IFT172: variants seen among roughly 807,000 people sequenced by gnomAD.
The protein encoded by IFT172 is intraflagellar transport 172.
Under a neutral mutation model 248.9 loss-of-function variants are expected in IFT172, and 164 were observed. That is an observed-to-expected ratio of 0.66 (90% CI 0.58 to 0.75). The LOEUF (loss-of-function observed/expected upper bound fraction) is 0.75. IFT172 is among the 30% of genes least tolerant of loss of function. The probability of loss-of-function intolerance (pLI) is 0.00; values close to 1 mark genes in which losing one functional copy is unlikely to be tolerated. For synonymous variants in IFT172, 729 were observed against 791.6 expected (o/e 0.92, Z 1.33); for missense variants, 1,950 against 2,192.4 (o/e 0.89, Z 2.21).
intron 20 of IFT172, among the ~76,000 whole-genome samples, chr2:27,462,183 C>G (rs546913336): frequency 1.3e-5 from 2 of 152,146 alleles, no homozygotes; most frequent in Non-Finnish European, 2.9e-5. Context: ...CAGGCGTGTG[C>G]CACCACTCCT....
intron 7 of IFT172, among the ~76,000 whole-genome samples, chr2:27,482,232 C>T (rs1314935004): frequency 2.0e-5 from 3 of 152,112 alleles, no homozygotes; most frequent in Non-Finnish European, 4.4e-5. Context: ...ATCCACCCGC[C>T]TTGACCTCCC....
Position 27,483,071 on chromosome 2 carries a change from C to T in IFT172, c.570+218G>A, listed in dbSNP as rs151128918. ...AGGCTGTAGTGCAGTGGTGCTATTT[C>T]AGCTCACTTGCAGGCTCAACCTCCT... On this transcript the variant is annotated intron_variant, in intron 7 of 47. Transcript: ENST00000260570. Among the ~76,000 whole-genome samples, 118 of 140,318 alleles carry T rather than the reference C, an allele frequency of 8.4e-4. 2 individuals are homozygous for T. In the East Asian group the frequency reaches 0.016, roughly 19 times the overall value. The allele number at this position is 140,318 out of a possible 152,430, so 92.1% of individuals were successfully genotyped here.
At chr2:27,470,330 A>AAG (rs1181701797) in intron 16 of IFT172, among the ~76,000 whole-genome samples, 19 of 151,862 alleles carry the variant, frequency 1.3e-4, no homozygotes, top group African/African-American at 4.6e-4. Flanking sequence ...AAAGAAAAAG[A>AAG]AAGAAAGAAC....
At chr2:27,487,969 A>G (rs779462444) in intron 1 of IFT172, among the ~76,000 whole-genome samples, 2 of 150,366 alleles carry the variant, frequency 1.3e-5, no homozygotes, top group Non-Finnish European at 3.0e-5. Flanking sequence ...TACATATTAC[A>G]CACTCAGTTA....
At chr2:27,488,141 C>T (rs148801088) in intron 1 of IFT172, among the ~76,000 whole-genome samples, 2,669 of 151,850 alleles carry the variant, frequency 0.018, 243 homozygotes, top group Admixed American at 0.15. Flanking sequence ...TGCCACCACA[C>T]GAGGCTATTT....
rs780116 is a variant in IFT172 at position 27,475,667 on chromosome 2, T to C, written c.1411+974A>G. On this transcript the variant is annotated intron_variant, in intron 14 of 47. Coordinates refer to ENST00000260570, the MANE Select transcript of IFT172 (RefSeq NM_015662.3). ...GATAAGTGTATTTCATATAAAGTAC[T>C]ATTTTTATCCCTATTTTGTAGATGA... 773 of 152,308 alleles carry C rather than the reference T, an allele frequency of 5.1e-3. 4 individuals carry two copies. Among genetic ancestry groups the C allele is most frequent in the African/African-American group, 0.018 (737 of 41,568 alleles). 9.4% of individuals were successfully genotyped at this position (152,308 alleles called of 1,614,324 possible). A position where few individuals can be genotyped will look rare whatever the true frequency, so the allele number is the denominator to read the frequency against.
chr2:27,471,657 C>G (rs1667580610), intron 15 of IFT172: 1 of 161,738 alleles, frequency 6.2e-6, no homozygotes, highest in African/African-American at 2.4e-5. Flanking sequence ...TTCCTGAGGG[C>G]ACAGACTGTG....
intron 16 of IFT172, among the ~76,000 whole-genome samples, chr2:27,467,631 A>G (rs1440240785): frequency 6.7e-6 from 1 of 150,054 alleles, no homozygotes; most frequent in Non-Finnish European, 1.5e-5. Flanking sequence ...AAAAAAAAAA[A>G]AAAAAGGAAA....
In IFT172 at chr2:27,454,308, ACGG is replaced by A; in HGVS notation, c.3530+43_3530+45del. ...CAAGATAATCATGAAAGATCCTGGG[ACGG>A]TGACTGGGGAAACAGTATTAAGGAA... On this transcript the variant is annotated intron_variant, in intron 32 of 47. Coordinates refer to ENST00000260570, the MANE Select transcript of IFT172 (RefSeq NM_015662.3). This position sits in a 1 kb window ranked among gnomAD's most constrained non-coding sequence, Gnocchi z 4.2. 6.2e-7 allele frequency: 1 copy of A among 1,611,904 alleles called. No homozygotes were observed. The highest frequency in any genetic ancestry group is 2.2e-5 in the East Asian group (1 of 44,882).
intron 40 of IFT172, among the ~76,000 whole-genome samples, chr2:27,448,474 A>G (rs1483562104): frequency 6.6e-6 from 1 of 152,240 alleles, no homozygotes; most frequent in East Asian, 1.9e-4. Context: ...TTTTTGATAA[A>G]GAGAAAAGAG....
chr2:27,446,412 C>T, intron 42 of IFT172, 57 bp from the exon 43 acceptor site: 2 of 1,464,464 alleles, frequency 1.4e-6, no homozygotes, highest in East Asian at 2.3e-5. Flanking sequence ...AGCTACCAGA[C>T]CAATGATCCT....
intron 18 of IFT172, among the ~76,000 whole-genome samples, chr2:27,463,494 T>TA (rs1361554831): frequency 6.6e-5 from 10 of 151,852 alleles, no homozygotes; most frequent in Admixed American, 6.6e-4. Flanking sequence ...TAAACTTTCT[T>TA]AAAACATTAT....
At chr2:27,458,676 A>G (rs1666381032) in intron 26 of IFT172, 103 bp downstream of exon 26, 1 of 1,339,458 alleles carries the variant, frequency 7.5e-7, no homozygotes, top group Non-Finnish European at 1.0e-6. Context: ...ACTCTTTGTC[A>G]GCTTTCAGGG....
intron 40 of IFT172, 30 bp downstream of exon 40, chr2:27,448,885 A>C (rs370036494): frequency 1.9e-6 from 2 of 1,046,640 alleles, no homozygotes; most frequent in Admixed American, 1.7e-5. Context: ...TTTCTTGTGG[A>C]AACATTCAAC....
chr2:27,462,782 T>G lies in IFT172; in HGVS notation c.2034A>C (p.Gly678=). Residue 678 remains glycine (G), a synonymous_variant, in exon 20 of 48, where the codon GGA becomes GGC. Coordinates refer to ENST00000260570, the MANE Select transcript of IFT172 (RefSeq NM_015662.3). ...GTGCTCGGACCTGATAAAAGTCTGT[T>G]CCTTCTCCGCCCTGTGGGGGAAAAA... ...DQVSREYGGE[G]TDFYQVRARL... 1 of 1,614,170 alleles carries G rather than the reference T, an allele frequency of 6.2e-7. No homozygotes were observed. Among genetic ancestry groups the G allele is most frequent in the Non-Finnish European group, 8.5e-7 (1 of 1,180,004 alleles).
At chr2:27,480,614 C>G (rs1668286899) in intron 8 of IFT172, among the ~76,000 whole-genome samples, 3 of 152,128 alleles carry the variant, frequency 2.0e-5, no homozygotes, top group Admixed American at 2.0e-4. Flanking sequence ...CGCCAAACAT[C>G]TGAGCATATC....
In IFT172 at chr2:27,481,454, T is replaced by TAC. The variant is rs764036982; in HGVS notation, c.571-196_571-195dup. Among the ~76,000 whole-genome samples, 69 of 135,640 alleles carry TAC rather than the reference T, an allele frequency of 5.1e-4. 1 individual carries two copies. Among genetic ancestry groups the TAC allele is most frequent in the South Asian group, 4.5e-3 (19 of 4,198 alleles). The allele number at this position is 135,640 out of a possible 152,430, so 89.0% of individuals were successfully genotyped here. A position where few individuals can be genotyped will look rare whatever the true frequency, so the allele number is the denominator to read the frequency against. On this transcript the variant is annotated intron_variant, in intron 7 of 47. Transcript: ENST00000260570. ...ACACACACACACACACACACACACA[T>TAC]ACACACACACACACACCCCTATACA...
Position 27,480,082 on chromosome 2 carries a change from T to C in IFT172, c.853A>G (p.Asn285Asp). 6.2e-7 allele frequency: 1 copy of C among 1,613,970 alleles called. No homozygotes were observed. The highest frequency in any genetic ancestry group is 1.3e-5 in the African/African-American group (1 of 75,002). ...WEEAKPKEIT[N>D]LYTITALAWK... ...GCCAAGGCAGTGATGGTGTATAAATTGGTAATCTCCTTGGGCTTTGCCTCT... is the reference window on the plus strand; with the variant it reads ...GCCAAGGCAGTGATGGTGTATAAATCGGTAATCTCCTTGGGCTTTGCCTCT... The change falls in exon 9 of 48, where the codon AAT becomes GAT. Residue 285 changes from asparagine to aspartate, a missense_variant. By Grantham distance (23) the Asn-to-Asp change is conservative. Around this residue, in one of 3 missense-constraint regions of IFT172, gnomAD observed 1,166 missense variants for 1,254.1 expected, o/e 0.93. Coordinates refer to ENST00000260570, the MANE Select transcript of IFT172 (RefSeq NM_015662.3).
In IFT172 at chr2:27,461,251, A is replaced by G. The variant is rs751295112; in HGVS notation, c.2442+18T>C. 6.2e-7 allele frequency: 1 copy of G among 1,613,384 alleles called. No homozygotes were observed. The highest frequency in any genetic ancestry group is 8.5e-7 in the Non-Finnish European group (1 of 1,179,392). ...CTGAGCTCTGGAGATAAGGGCTAGG[A>G]AAAGGAAGCCAGCATACCCTTTCGT... On this transcript the variant is annotated intron_variant, in intron 22 of 47. Coordinates refer to ENST00000260570, the MANE Select transcript of IFT172 (RefSeq NM_015662.3).
Sources: allele counts gnomAD v4.1 joint callset (sites outside exome capture counted in the v4.1 genomes callset), GRCh38; gene constraint gnomAD v4.1.1; regional missense constraint gnomAD v4.1.1; non-coding constraint Gnocchi (gnomAD v3.1); transcripts MANE v1.5; gene names NCBI Gene and HGNC (gene_info 2026-07-23, HGNC 2026-07-21).